The following SLC25A16 variants were observed in gnomAD, a reference collection of about 807,000 sequenced individuals.
SLC25A16 encodes solute carrier family 25 member 16.
A neutral mutation model predicts 41.5 loss-of-function variants in SLC25A16; 39 were observed. The observed-to-expected ratio is 0.94, with a 90% CI of 0.73 to 1.23. The LOEUF (loss-of-function observed/expected upper bound fraction) is 1.23. Ranked by LOEUF, SLC25A16 falls within the 50% of genes most tolerant of loss-of-function variation. The pLI is 0.00. For synonymous variants in SLC25A16, 146 were observed against 147.8 expected (o/e 0.99, Z 0.09); for missense variants, 421 against 426.9 (o/e 0.99, Z 0.12).
intron 1 of SLC25A16, chr10:68,517,544 A>C (rs2053180112): frequency 6.6e-6 from 1 of 152,344 alleles, no homozygotes; most frequent in Non-Finnish European, 1.5e-5. Context: ...AAAAAGGTGA[A>C]TAACAGGCCA....
In SLC25A16 at chr10:68,505,344, CAAAA is replaced by C. The variant is rs139998831; in HGVS notation, c.357+1237_357+1240del. 4.3e-3 allele frequency among the ~76,000 whole-genome samples: 634 copies of C among 149,124 alleles called. 6 individuals are homozygous for C. The highest frequency in any genetic ancestry group is 0.015 in the African/African-American group (608 of 40,428). The stretch of plus-strand genomic sequence containing the variant: ...AGCCTAGGTGACAGAGAAACTATCT[CAAAA>C]AAGAAAGAAAAGAAAAGAAAAGAGG... On this transcript the variant is annotated intron_variant, in intron 3 of 8. Transcript: ENST00000609923.
intron 2 of SLC25A16, among the ~76,000 whole-genome samples, chr10:68,512,617 C>A (rs1183732918): frequency 4.7e-5 from 3 of 63,214 alleles, no homozygotes; most frequent in Non-Finnish European, 7.7e-5. Context: ...CCAGCCTGGG[C>A]AACAGAGCGA....
rs916013391 is a variant in SLC25A16 at position 68,481,522 on chromosome 10, A to C, written c.*1910T>G. 4.0e-5 allele frequency: 6 copies of C among 151,612 alleles called. No homozygotes were observed. Among genetic ancestry groups the C allele is most frequent in the African/African-American group, 1.5e-4 (6 of 41,256 alleles). 9.4% of individuals were successfully genotyped at this position (151,612 alleles called of 1,614,324 possible). On this transcript the variant is annotated 3_prime_UTR_variant, in exon 9 of 9. Transcript: ENST00000609923. ...ACTATGTTGCCCAGGCTGGTCTCGA[A>C]CTCCTGGGGTCAAGATATCCTCCCG...
chr10:68,514,628 G>A (rs1275899652), intron 2 of SLC25A16, among the ~76,000 whole-genome samples: 2 of 152,144 alleles, frequency 1.3e-5, no homozygotes, highest in African/African-American at 4.8e-5. Context: ...AGACTTTTAC[G>A]CATATTGCCA....
chr10:68,509,914 T>C (rs1564923250), intron 2 of SLC25A16, among the ~76,000 whole-genome samples: 1 of 151,552 alleles, frequency 6.6e-6, no homozygotes, highest in East Asian at 2.0e-4. Context: ...TCGTCTCTAC[T>C]AAAAATATAA....
intron 2 of SLC25A16, among the ~76,000 whole-genome samples, chr10:68,511,319 A>G (rs1421448837): frequency 1.3e-5 from 2 of 152,238 alleles, no homozygotes; most frequent in Non-Finnish European, 2.9e-5. Context: ...TATTAAAAAT[A>G]GAGGACACTC....
intron 2 of SLC25A16, among the ~76,000 whole-genome samples, chr10:68,515,660 T>C (rs1434431956): frequency 4.6e-5 from 7 of 151,952 alleles, no homozygotes; most frequent in Non-Finnish European, 1.0e-4. Flanking sequence ...TAGCCAAGCG[T>C]GGTGGCACAT....
chr10:68,520,803 ACT>A (rs1233821171), intron 1 of SLC25A16, among the ~76,000 whole-genome samples: 1 of 126,258 alleles, frequency 7.9e-6, no homozygotes, highest in Non-Finnish European at 1.7e-5. Context: ...CAAGAGCAAA[ACT>A]CTGTCTCAAA....
At chr10:68,489,977 C>T (rs1469544358) in intron 6 of SLC25A16, among the ~76,000 whole-genome samples, 4 of 151,556 alleles carry the variant, frequency 2.6e-5, no homozygotes, top group Non-Finnish European at 2.9e-5. Flanking sequence ...ATGAAACTGC[C>T]GTAGCCCATG....
intron 1 of SLC25A16, among the ~76,000 whole-genome samples, chr10:68,526,462 A>G (rs2053339202): frequency 1.3e-5 from 2 of 152,238 alleles, no homozygotes; most frequent in South Asian, 4.1e-4. Context: ...CAAATGATCA[A>G]TAAATACTAA....
intron 4 of SLC25A16, among the ~76,000 whole-genome samples, chr10:68,501,538 A>C (rs897384078): frequency 6.8e-6 from 1 of 146,606 alleles, no homozygotes; most frequent in African/African-American, 2.5e-5. Context: ...AAAGAGGAGA[A>C]GAGGAGAGGA....
At chr10:68,504,294 G>A (rs369730056) in intron 3 of SLC25A16, among the ~76,000 whole-genome samples, 1 of 151,664 alleles carries the variant, frequency 6.6e-6, no homozygotes, top group Non-Finnish European at 1.5e-5. Flanking sequence ...TGGGATTATA[G>A]GCTGAAGCCA....
chr10:68,492,055 G>C (rs2052668052), intron 6 of SLC25A16, among the ~76,000 whole-genome samples: 1 of 152,080 alleles, frequency 6.6e-6, no homozygotes, highest in Non-Finnish European at 1.5e-5. Flanking sequence ...CTCAAACTCA[G>C]GTGATCCACC....
chr10:68,504,628 C>T (rs1215702515), intron 3 of SLC25A16, among the ~76,000 whole-genome samples: 1 of 150,828 alleles, frequency 6.6e-6, no homozygotes, highest in African/African-American at 2.4e-5. Context: ...CCGCCCGCCT[C>T]GGCATCCCAA....
At chr10:68,526,847 G>C (rs2053345747) in intron 1 of SLC25A16, among the ~76,000 whole-genome samples, 1 of 152,128 alleles carries the variant, frequency 6.6e-6, no homozygotes, top group Admixed American at 6.6e-5. Context: ...TCCAATATTT[G>C]TTTTCCTTTA....
intron 8 of SLC25A16, among the ~76,000 whole-genome samples, chr10:68,485,636 G>A (rs148006765): frequency 0.021 from 3,119 of 151,752 alleles, 96 homozygotes; most frequent in African/African-American, 0.071. Context: ...ACCCACCTCT[G>A]CCTCCCAAAG....
At chr10:68,500,471 C>T (rs1411921859) in intron 4 of SLC25A16, among the ~76,000 whole-genome samples, 1 of 152,004 alleles carries the variant, frequency 6.6e-6, no homozygotes, top group African/African-American at 2.4e-5. Flanking sequence ...CCATGCCTGG[C>T]TAATTTTTGT....
intron 4 of SLC25A16, chr10:68,499,618 T>C: frequency 3.0e-6 from 1 of 332,602 alleles, no homozygotes; most frequent in African/African-American, 2.2e-5. Context: ...GCAGGAAGAT[T>C]ATGTCTTCCC....
rs2053353804 is a variant in SLC25A16, at chr10:68,527,313, C to T, written c.63G>A (p.Gln21=). ...TTGTGGGCCCTCCGGCCCCTGCCGCCTGCGGCATTGCGGGAGGGGGATCGG... is the reference window on the plus strand; with the variant it reads ...TTGTGGGCCCTCCGGCCCCTGCCGCTTGCGGCATTGCGGGAGGGGGATCGG... ...AAADPPPAMP[Q]AAGAGGPTTR... Residue 21 remains glutamine (Q), a synonymous_variant, in exon 1 of 9, where the codon CAG becomes CAA. Coordinates refer to ENST00000609923, the MANE Select transcript of SLC25A16 (RefSeq NM_152707.4). 2 of 1,543,894 alleles carry T rather than the reference C, an allele frequency of 1.3e-6. No homozygotes were observed. The highest frequency in any genetic ancestry group is 1.7e-6 in the Non-Finnish European group (2 of 1,144,544).
Sources: allele counts gnomAD v4.1 joint callset (sites outside exome capture counted in the v4.1 genomes callset), GRCh38; gene constraint gnomAD v4.1.1; transcripts MANE v1.5; gene names NCBI Gene and HGNC (gene_info 2026-07-23, HGNC 2026-07-21).